TENM3: variants seen among roughly 807,000 people sequenced by gnomAD.
TENM3 encodes teneurin-3.
In TENM3, 63 loss-of-function variants were observed where a neutral mutation model predicts 255.1. The observed-to-expected ratio is 0.25, with a 90% CI of 0.20 to 0.30. The LOEUF is 0.30. Ranked by LOEUF, TENM3 falls within the 10% of genes least tolerant of loss-of-function variation. The pLI is 1.00. For missense variants in TENM3, 2,929 were observed against 3,461.1 expected, an observed-to-expected ratio of 0.85 and a Z score of 3.86; for synonymous variants, 1,306 against 1,322.3, an observed-to-expected ratio of 0.99 and a Z score of 0.27.
At chr4:181,498,865 G>C in the TENM3 span, among the ~76,000 whole-genome samples, 1 of 152,136 alleles carries the variant, frequency 6.6e-6, no homozygotes, top group African/African-American at 2.4e-5. Context: ...GCGTTAACTA[G>C]GAGAAGGGTT....
the TENM3 span, among the ~76,000 whole-genome samples, chr4:181,741,683 A>G: frequency 6.6e-6 from 1 of 152,186 alleles, no homozygotes; most frequent in Admixed American, 6.5e-5. Context: ...GACAGAGGCC[A>G]TCATTCATTA....
chr4:182,615,070 T>TGTA (rs201005312), intron 4 of TENM3, among the ~76,000 whole-genome samples: 9,453 of 82,042 alleles, frequency 0.12, 546 homozygotes, highest in East Asian at 0.37. Flanking sequence ...TATATATGTA[T>TGTA]TTTTTTTTTC....
At chr4:181,932,759 C>T in the TENM3 span, among the ~76,000 whole-genome samples, 114 of 152,244 alleles carry the variant, frequency 7.5e-4, no homozygotes, top group African/African-American at 2.7e-3. Context: ...GACTTGGAAC[C>T]AACCCAAATG....
At chr4:181,780,025 C>T in the TENM3 span, among the ~76,000 whole-genome samples, 2 of 152,180 alleles carry the variant, frequency 1.3e-5, no homozygotes, top group Admixed American at 1.3e-4. Flanking sequence ...TTTTCTTAAT[C>T]CAGTCTATCA....
At chr4:182,696,294 A>G (rs1757395108) in intron 12 of TENM3, among the ~76,000 whole-genome samples, 1 of 152,246 alleles carries the variant, frequency 6.6e-6, no homozygotes, top group Admixed American at 6.5e-5. Flanking sequence ...CGCATAGAAT[A>G]TAGACTCAAT....
chr4:182,789,203 G>A lies in TENM3; in HGVS notation c.5415G>A (p.Gly1805=), dbSNP rs201769169. The A allele has an allele frequency of 2.9e-5, 47 of 1,612,938 alleles. No individual in the cohort carries two copies. Among genetic ancestry groups the A allele is most frequent in the Non-Finnish European group, 3.4e-6 (4 of 1,179,542 alleles). ...FLLRIAYDTS[G]HPTLWLPSSK... ...TGAGGATCGCCTACGACACGTCTGG[G>A]CACCCGACTCTCTGGCTGCCAAGCA... Residue 1805 remains glycine, a synonymous_variant, in exon 25 of 28, where the codon GGG becomes GGA. Transcript: ENST00000511685. The surrounding 1 kb of genome is among the most constrained non-coding windows in gnomAD (Gnocchi z 4.4).
chr4:182,361,685 G>T (rs1481017739), intron 3 of TENM3, among the ~76,000 whole-genome samples: 1 of 151,726 alleles, frequency 6.6e-6, no homozygotes, highest in Non-Finnish European at 1.5e-5. Flanking sequence ...GTAGCTCGTA[G>T]TTTGATCGTC....
chr4:182,239,030 TTTATGTGTG>T (rs1757067206), upstream of TENM3, among the ~76,000 whole-genome samples: 1 of 122,092 alleles, frequency 8.2e-6, no homozygotes, highest in Non-Finnish European at 1.7e-5. Flanking sequence ...TTTAAAAATC[TTTATGTGTG>T]TGTGTGTGTG....
intron 6 of TENM3, among the ~76,000 whole-genome samples, chr4:182,667,962 CATTAATTA>C (rs34308155): frequency 2.0e-5 from 3 of 150,770 alleles, no homozygotes; most frequent in African/African-American, 4.9e-5. Context: ...TACATAAATA[CATTAATTA>C]ATTAATTAAT....
the TENM3 span, among the ~76,000 whole-genome samples, chr4:181,488,829 A>G: frequency 6.6e-6 from 1 of 152,192 alleles, no homozygotes. Flanking sequence ...GCCACCAAAT[A>G]ATACCGCTTG....
intron 13 of TENM3, among the ~76,000 whole-genome samples, chr4:182,720,784 T>TTTTTTTTTTTA (rs2152692333): frequency 4.0e-5 from 6 of 150,294 alleles, no homozygotes; most frequent in Admixed American, 6.7e-5. Context: ...TTTTTTTTTT[T>TTTTTTTTTTTA]GAGACAGAGT....
At chr4:181,518,074 G>A in the TENM3 span, among the ~76,000 whole-genome samples, 2 of 152,152 alleles carry the variant, frequency 1.3e-5, no homozygotes, top group Non-Finnish European at 2.9e-5. Context: ...CATGGGAGTG[G>A]CAATCCCTGT....
chr4:182,362,528 T>C lies in TENM3; in HGVS notation c.511+15599T>C, dbSNP rs1407046146. ...CATGGGTGTAGGACCCTCCGAGCCA[T>C]GTGCGGGATATAATCTCCTGGTGCG... On this transcript the variant is annotated intron_variant, in intron 3 of 27. Coordinates refer to ENST00000511685, the MANE Select transcript of TENM3 (RefSeq NM_001080477.4). Among the ~76,000 whole-genome samples the C allele has an allele frequency of 3.9e-5, 6 of 152,286 alleles. No homozygotes were observed. The East Asian group carries it at 1.2e-3, about 29-fold the overall frequency.
At chr4:181,892,388 C>T in the TENM3 span, among the ~76,000 whole-genome samples, 1 of 152,092 alleles carries the variant, frequency 6.6e-6, no homozygotes, top group South Asian at 2.1e-4. Context: ...AGTAGACTAC[C>T]TAGTTTCTGA....
At chr4:181,898,151 A>G in the TENM3 span, among the ~76,000 whole-genome samples, 1 of 152,202 alleles carries the variant, frequency 6.6e-6, no homozygotes, top group Non-Finnish European at 1.5e-5. Context: ...GAAAAGAGAA[A>G]ATGGAAAAGG....
intron 5 of TENM3, among the ~76,000 whole-genome samples, chr4:182,644,659 T>A (rs1446806602): frequency 6.6e-6 from 1 of 152,216 alleles, no homozygotes; most frequent in Non-Finnish European, 1.5e-5. Flanking sequence ...TTTATTAACA[T>A]ATTGTCTCAA....
chr4:182,231,382 G>T (rs1756570065), intron 1 of TENM3, among the ~76,000 whole-genome samples: 1 of 152,128 alleles, frequency 6.6e-6, no homozygotes, highest in African/African-American at 2.4e-5. Context: ...GGAACGCGTA[G>T]AGGTATTTAT....
the TENM3 span, among the ~76,000 whole-genome samples, chr4:181,718,384 A>G: frequency 1.3e-5 from 2 of 152,170 alleles, no homozygotes; most frequent in Admixed American, 6.5e-5. Flanking sequence ...AATTCAGTCT[A>G]CCTAATTCTT....
At chr4:182,572,253 A>G (rs1744462603) in intron 3 of TENM3, among the ~76,000 whole-genome samples, 1 of 152,250 alleles carries the variant, frequency 6.6e-6, no homozygotes, top group Non-Finnish European at 1.5e-5. Context: ...GAGTAGCAGA[A>G]TTGCACACAA....
Sources: allele counts gnomAD v4.1 joint callset (sites outside exome capture counted in the v4.1 genomes callset), GRCh38; gene constraint gnomAD v4.1.1; non-coding constraint Gnocchi (gnomAD v3.1); transcripts MANE v1.5; gene names NCBI Gene and HGNC (gene_info 2026-07-23, HGNC 2026-07-21).